PCDHGB6: variants seen among roughly 807,000 people sequenced by gnomAD.
The protein encoded by PCDHGB6 is protocadherin gamma-B6.
A neutral mutation model predicts 59.1 loss-of-function variants in PCDHGB6; 51 were observed. The ratio of observed to expected loss-of-function variants is 0.86; its 90% CI spans 0.69 to 1.09. PCDHGB6 has a LOEUF of 1.09. PCDHGB6 is among the 50% of genes least tolerant of loss of function. PCDHGB6 has a pLI of 0.00. For synonymous variants in PCDHGB6, 466 were observed against 495.1 expected, an observed-to-expected ratio of 0.94 and a Z score of 0.78; for missense variants, 1,148 against 1,205.1, an observed-to-expected ratio of 0.95 and a Z score of 0.70.
Position 141,431,560 on chromosome 5 carries a change from C to G in PCDHGB6, c.2418+20940C>G, listed in dbSNP as rs751276470. The G allele has an allele frequency of 6.2e-7, 1 of 1,613,986 alleles. No individual in the cohort carries two copies. The highest frequency in any genetic ancestry group is 1.7e-5 in the Admixed American group (1 of 60,016). On this transcript the variant is annotated intron_variant, in intron 1 of 3. Transcript: ENST00000520790. This position sits in a 1 kb window ranked among gnomAD's most constrained non-coding sequence, Gnocchi z 4.8. Reference sequence around the variant, plus strand: ...CGCAGCTGCTTGTAGTCAACGCTACCGACCCTGACGAAGGAGTCAATGCGG... The same window carrying G: ...CGCAGCTGCTTGTAGTCAACGCTACGGACCCTGACGAAGGAGTCAATGCGG...
At position 141,421,262 on chromosome 5, in the gene PCDHGB6, G is replaced by GGCT. The variant is rs748368476; in HGVS notation, c.2418+10656_2418+10658dup. 2.6e-5 allele frequency: 42 copies of GGCT among 1,609,594 alleles called. No homozygotes were observed. The Admixed American group carries it at 3.2e-4, about 12-fold the overall frequency. On this transcript the variant is annotated intron_variant, in intron 1 of 3. Coordinates refer to ENST00000520790, the MANE Select transcript of PCDHGB6 (RefSeq NM_018926.3). ...CGGCTACAGCGCGGGGACCGCAGTC[G>GGCT]GCTGCTGCTGCTGCTGTGCATTTTC...
At chr5:141,456,936 C>G (rs1012944904) in intron 1 of PCDHGB6, among the ~76,000 whole-genome samples, 20 of 152,190 alleles carry the variant, frequency 1.3e-4, no homozygotes, top group African/African-American at 4.3e-4. Context: ...GCACTCCAGC[C>G]TGGGCAACAG....
chr5:141,427,854 TGC>T (rs2097079964), intron 1 of PCDHGB6: 1 of 1,553,594 alleles, frequency 6.4e-7, no homozygotes, highest in Non-Finnish European at 8.8e-7. Context: ...CGAGCAGCTG[TGC>T]GCCTTCGAGC....
At chr5:141,437,764 A>G (rs1408729040) in intron 1 of PCDHGB6, among the ~76,000 whole-genome samples, 1 of 149,226 alleles carries the variant, frequency 6.7e-6, no homozygotes, top group Non-Finnish European at 1.5e-5. Flanking sequence ...TTTGAGACAG[A>G]GTCTCAATCT....
chr5:141,476,747 C>A lies in PCDHGB6; in HGVS notation c.2419-18060C>A. 1 of 1,614,066 alleles carries A rather than the reference C, an allele frequency of 6.2e-7. No homozygotes were observed. The highest frequency in any genetic ancestry group is 1.3e-5 in the African/African-American group (1 of 75,074). On this transcript the variant is annotated intron_variant, in intron 1 of 3. Transcript: ENST00000520790. The surrounding 1 kb of genome is among the most constrained non-coding windows in gnomAD (Gnocchi z 7.6). ...GGACCGAGAACGGGAGCCTAGTCTCCAGTTAGTGCTGACGGCGTTGGACGG... is the reference window on the plus strand; with the variant it reads ...GGACCGAGAACGGGAGCCTAGTCTCAAGTTAGTGCTGACGGCGTTGGACGG...
intron 1 of PCDHGB6, among the ~76,000 whole-genome samples, chr5:141,436,389 TTAAA>T (rs1385837876): frequency 6.6e-6 from 1 of 152,212 alleles, no homozygotes; most frequent in Non-Finnish European, 1.5e-5. Context: ...ATAGGCTTTA[TTAAA>T]TAGTTGTTGA....
Position 141,417,943 on chromosome 5 carries a change from G to C in PCDHGB6, c.2418+7323G>C, listed in dbSNP as rs772925118. ...TGCTGCTGCCTTTGTTCTACCCCAC[G>C]CTGTGTGAGCCGATCCGCTACTCGA... is the stretch of plus-strand genomic sequence containing the variant. On this transcript the variant is annotated intron_variant, in intron 1 of 3. Coordinates refer to ENST00000520790, the MANE Select transcript of PCDHGB6 (RefSeq NM_018926.3). The C allele has an allele frequency of 4.1e-5, 66 of 1,613,160 alleles. 1 individual carries two copies. The highest frequency in any genetic ancestry group is 1.8e-4 in the East Asian group (8 of 44,850).
chr5:141,500,484 C>T (rs2099800696), intron 2 of PCDHGB6, among the ~76,000 whole-genome samples: 1 of 152,304 alleles, frequency 6.6e-6, no homozygotes, highest in Non-Finnish European at 1.5e-5. Context: ...GCTGGGATTA[C>T]AGGCGTGAGC....
chr5:141,431,333 C>T lies in PCDHGB6; in HGVS notation c.2418+20713C>T. 1 of 1,614,058 alleles carries T rather than the reference C, an allele frequency of 6.2e-7. No individual in the cohort carries two copies. Among genetic ancestry groups the T allele is most frequent in the Non-Finnish European group, 8.5e-7 (1 of 1,180,030 alleles). On this transcript the variant is annotated intron_variant, in intron 1 of 3. Coordinates refer to ENST00000520790, the MANE Select transcript of PCDHGB6 (RefSeq NM_018926.3). The surrounding 1 kb of genome is among the most constrained non-coding windows in gnomAD (Gnocchi z 4.8). ...AAATGGAGCCGACGGTAGTAAGTAC[C>T]CCGAATTGGTGCTGAAACGCGCCCT...
In PCDHGB6 at chr5:141,410,579, G is replaced by A. The variant is rs760249748; in HGVS notation, c.2377G>A (p.Gly793Ser). ...VSPGALIPPH[G>S]GEDLTSHPET... ...TCCTGGAGCCTTAATTCCACCTCAT[G>A]GTGGGGAGGATTTGACTTCACATCC... is the stretch of plus-strand genomic sequence containing the variant. The change falls in exon 1 of 4, where the codon GGT (glycine) becomes AGT (serine). Residue 793 changes from glycine to serine, a missense_variant. Gly to Ser is a moderately conservative substitution (Grantham distance 56). Coordinates refer to ENST00000520790, the MANE Select transcript of PCDHGB6 (RefSeq NM_018926.3). The A allele has an allele frequency of 1.1e-5, 17 of 1,610,792 alleles. No individual in the cohort carries two copies. Among genetic ancestry groups the A allele is most frequent in the Non-Finnish European group, 1.4e-5 (17 of 1,179,880 alleles).
Position 141,491,730 on chromosome 5 carries a change from C to A in PCDHGB6, c.2419-3077C>A, listed in dbSNP as rs1346666614. ...GGGGCTCGGCGCCGCCCCGGGCGAC[C>A]CCTGGGGGCGGCACTGGAGAAGCCG... On this transcript the variant is annotated intron_variant, in intron 1 of 3. Coordinates refer to ENST00000520790, the MANE Select transcript of PCDHGB6 (RefSeq NM_018926.3). This position sits in a 1 kb window ranked among gnomAD's most constrained non-coding sequence, Gnocchi z 6.9. 3.1e-6 allele frequency: 5 copies of A among 1,603,920 alleles called. No individual in the cohort carries two copies. The East Asian group carries it at 6.7e-5, about 22-fold the overall frequency.
chr5:141,477,890 C>T lies in PCDHGB6; in HGVS notation c.2419-16917C>T, dbSNP rs202114426. ...TACCTCAGCTGGCCACCTAGTGTCA[C>T]GGGTGGTAGGCTGGGACGCGGATGC... is the stretch of plus-strand genomic sequence containing the variant. On this transcript the variant is annotated intron_variant, in intron 1 of 3. Coordinates refer to ENST00000520790, the MANE Select transcript of PCDHGB6 (RefSeq NM_018926.3). This position sits in a 1 kb window ranked among gnomAD's most constrained non-coding sequence, Gnocchi z 4.9. 9.9e-6 allele frequency: 16 copies of T among 1,614,086 alleles called. No individual in the cohort carries two copies. Among genetic ancestry groups the T allele is most frequent in the Admixed American group, 1.7e-5 (1 of 60,006 alleles).
At chr5:141,418,629 C>T in intron 1 of PCDHGB6, 1 of 1,614,014 alleles carries the variant, frequency 6.2e-7, no homozygotes, top group Non-Finnish European at 8.5e-7. Context: ...GACGTGCCTC[C>T]AGGCACCTCC....
chr5:141,507,716 C>T (rs567867232), intron 3 of PCDHGB6, among the ~76,000 whole-genome samples: 1 of 152,372 alleles, frequency 6.6e-6, no homozygotes, highest in South Asian at 2.1e-4. Flanking sequence ...CCCAAACCCT[C>T]CAAGCAAGTC....
intron 1 of PCDHGB6, chr5:141,426,796 T>C (rs1053668481): frequency 8.8e-6 from 4 of 456,720 alleles, no homozygotes. Context: ...AGTTACCAGC[T>C]CAGTTCTAAT....
chr5:141,433,408 A>T lies in PCDHGB6; in HGVS notation c.2418+22788A>T, dbSNP rs1052180455. On this transcript the variant is annotated intron_variant, in intron 1 of 3. Coordinates refer to ENST00000520790, the MANE Select transcript of PCDHGB6 (RefSeq NM_018926.3). Reference sequence around the variant, plus strand: ...CTATCTATCTATCTATCTATCTATTACTTTCTTGTACAGACAGGAGTCTCA... The same window carrying T: ...CTATCTATCTATCTATCTATCTATTTCTTTCTTGTACAGACAGGAGTCTCA... 4.2e-3 allele frequency among the ~76,000 whole-genome samples: 537 copies of T among 127,344 alleles called. 4 individuals carry two copies. The highest frequency in any genetic ancestry group is 0.015 in the African/African-American group (523 of 34,010). 83.5% of individuals were successfully genotyped at this position (127,344 alleles called of 152,430 possible). A position where few individuals can be genotyped will look rare whatever the true frequency, so the allele number is the denominator to read the frequency against.
intron 1 of PCDHGB6, among the ~76,000 whole-genome samples, chr5:141,463,641 C>T (rs182957065): frequency 2.0e-5 from 3 of 151,734 alleles, no homozygotes; most frequent in African/African-American, 7.2e-5. Context: ...TTAGTAGAGA[C>T]GGGGTTTCAC....
At chr5:141,440,696 A>G (rs2098194818) in intron 1 of PCDHGB6, 1 of 152,210 alleles carries the variant, frequency 6.6e-6, no homozygotes, top group Non-Finnish European at 1.5e-5. Flanking sequence ...AAAGTGACCA[A>G]CAGTGGAAAG....
At chr5:141,475,959 A>T (rs963363028) in intron 1 of PCDHGB6, 15 of 817,720 alleles carry the variant, frequency 1.8e-5, no homozygotes, top group East Asian at 2.6e-5. Context: ...GCGCCCCGGG[A>T]TGAGGCAGAG....
Sources: gnomAD v4.1 joint callset for allele counts (sites outside exome capture counted in the v4.1 genomes callset) on GRCh38, gnomAD v4.1.1 for gene constraint, Gnocchi (gnomAD v3.1) non-coding constraint, MANE v1.5 for transcripts, NCBI Gene and HGNC (gene_info 2026-07-23, HGNC 2026-07-21) for gene names.